Variants in CPNE3 observed in about 807,000 individuals in gnomAD.
The protein encoded by CPNE3 is copine-3.
Under a neutral mutation model 63.9 loss-of-function variants are expected in CPNE3, and 68 were observed. The observed-to-expected ratio is 1.06, with a 90% CI of 0.87 to 1.30. The LOEUF is 1.30. CPNE3 is among the 50% of genes most tolerant of loss of function. The pLI, the probability that CPNE3 is intolerant of heterozygous loss-of-function variation, is 0.00. For synonymous variants in CPNE3, 219 were observed against 197.5 expected (o/e 1.11, Z -0.91); for missense variants, 665 against 578.1 (o/e 1.15, Z -1.54).
Position 86,528,942 on chromosome 8 carries a change from T to A in CPNE3, c.133-3T>A. On this transcript the variant is annotated splice_polypyrimidine_tract_variant and splice_region_variant and intron_variant, in intron 3 of 16. Transcript: ENST00000517490. ...ACTTTTTTGTTTTTGCGGATGGGTG[T>A]AGGTTGAGCGCACAGAAAGGATTAA... 1 of 1,611,354 alleles carries A rather than the reference T, an allele frequency of 6.2e-7. No homozygotes were observed. The highest frequency in any genetic ancestry group is 8.5e-7 in the Non-Finnish European group (1 of 1,179,292).
At chr8:86,551,830 A>C (rs1465705297) in intron 14 of CPNE3, among the ~76,000 whole-genome samples, 1 of 152,108 alleles carries the variant, frequency 6.6e-6, no homozygotes, top group African/African-American at 2.4e-5. Flanking sequence ...TCTTTTATTT[A>C]TTTAAAAAAA....
At chr8:86,535,395 CG>C (rs1820781704) in intron 6 of CPNE3, among the ~76,000 whole-genome samples, 1 of 151,784 alleles carries the variant, frequency 6.6e-6, no homozygotes, top group East Asian at 1.9e-4. Flanking sequence ...AATTACTGGC[CG>C]GCCATGATGG....
chr8:86,555,073 A>G (rs1276322743), intron 15 of CPNE3, 89 bp downstream of exon 15: 1 of 1,568,434 alleles, frequency 6.4e-7, no homozygotes, highest in Admixed American at 1.8e-5. Context: ...TTGTCATAAT[A>G]CAAAGTCAGG....
At chr8:86,524,705 A>ATTTTTT (rs1820503769) in intron 2 of CPNE3, 1 of 53,646 alleles carries the variant, frequency 1.9e-5, no homozygotes, top group African/African-American at 5.0e-5. Flanking sequence ...TTTTTTTGCG[A>ATTTTTT]CAGGGTCTTG....
chr8:86,548,505 G>A (rs776332460), intron 12 of CPNE3, 71 bp downstream of exon 12: 24 of 1,583,532 alleles, frequency 1.5e-5, no homozygotes, highest in Admixed American at 5.1e-5. Context: ...TTGTTTCATC[G>A]GCTAGCACTC....
Position 86,524,133 on chromosome 8 carries a change from A to G in CPNE3, c.-10-4403A>G, listed in dbSNP as rs532191225. On this transcript the variant is annotated intron_variant, in intron 2 of 16. Coordinates refer to ENST00000517490, the MANE Select transcript of CPNE3 (RefSeq NM_003909.5). ...TAGGGTTGTGACTCTGGGTATGGGA[A>G]AGCGGCTGTATCTCCATGTTTGGGA... Among the ~76,000 whole-genome samples, 21 of 152,336 alleles carry G rather than the reference A, an allele frequency of 1.4e-4. 1 individual carries two copies. In the South Asian group the frequency reaches 3.7e-3, roughly 27 times the overall value.
rs1821373734 is a variant in CPNE3, at chr8:86,558,578, C to T, written c.*168C>T. ...TTCTTTCTAGGTTATTTTGGGGGGA[C>T]AGTGCCAAGTCCATCTTTGCCCAGT... On this transcript the variant is annotated 3_prime_UTR_variant, in exon 17 of 17. Coordinates refer to ENST00000517490, the MANE Select transcript of CPNE3 (RefSeq NM_003909.5). 1 of 585,888 alleles carries T rather than the reference C, an allele frequency of 1.7e-6. No homozygotes were observed. The allele number at this position is 585,888 out of a possible 1,614,324, so 36.3% of individuals were successfully genotyped here.
rs758242295 is a variant in CPNE3 at position 86,548,338 on chromosome 8, G to T, written c.917G>T (p.Arg306Met). The T allele has an allele frequency of 2.5e-6, 4 of 1,614,050 alleles. No individual in the cohort carries two copies. In the South Asian group the frequency reaches 3.3e-5, roughly 13 times the overall value. The part of the protein sequence containing the change: ...VDFTGSNGDP[R>M]SPDSLHYISP... ...TTCACTGGCTCCAATGGTGACCCAA[G>T]GTCTCCAGACTCCCTTCATTACATC... Residue 306 changes from arginine to methionine, a missense_variant, in exon 12 of 17, where the codon AGG (arginine) becomes ATG (methionine). Arg to Met is a moderately conservative substitution (Grantham distance 91). Coordinates refer to ENST00000517490, the MANE Select transcript of CPNE3 (RefSeq NM_003909.5).
At chr8:86,532,104 C>G (rs1412944184) in intron 5 of CPNE3, among the ~76,000 whole-genome samples, 2 of 152,134 alleles carry the variant, frequency 1.3e-5, no homozygotes, top group Non-Finnish European at 2.9e-5. Flanking sequence ...TTCAGTTACA[C>G]TGGATGAAAA....
chr8:86,524,681 A>ATTTTTTTTTT (rs33934876), intron 2 of CPNE3: 4 of 106,088 alleles, frequency 3.8e-5, no homozygotes, highest in Admixed American at 1.1e-4. Context: ...CCTCATCATA[A>ATTTTTTTTTT]TTTTTTTTTT....
intron 9 of CPNE3, among the ~76,000 whole-genome samples, chr8:86,545,933 T>C (rs923007155): frequency 2.0e-5 from 3 of 151,808 alleles, no homozygotes; most frequent in African/African-American, 7.3e-5. Context: ...TAGATAGAGA[T>C]CAGAGAAGAC....
chr8:86,536,935 G>A (rs1384267043), intron 6 of CPNE3, among the ~76,000 whole-genome samples: 2 of 152,172 alleles, frequency 1.3e-5, no homozygotes, highest in Non-Finnish European at 2.9e-5. Flanking sequence ...GTTCTGTGGT[G>A]AATTACAGGA....
At chr8:86,548,277 A>AG in intron 11 of CPNE3, 24 bp from the exon 12 acceptor site, 1 of 1,612,590 alleles carries the variant, frequency 6.2e-7, no homozygotes, top group Non-Finnish European at 8.5e-7. Context: ...CTCCTTACTA[A>AG]GGGCTGCAAT....
intron 7 of CPNE3, among the ~76,000 whole-genome samples, chr8:86,538,936 T>C (rs1284363064): frequency 1.3e-5 from 2 of 152,194 alleles, no homozygotes; most frequent in Non-Finnish European, 2.9e-5. Context: ...ATGAATTACA[T>C]GTTCTCTAGC....
intron 2 of CPNE3, 116 bp from the exon 3 acceptor site, chr8:86,528,420 A>C: frequency 6.3e-6 from 7 of 1,118,716 alleles, no homozygotes; most frequent in Non-Finnish European, 9.0e-6. Context: ...TGGCAAGTTC[A>C]CTCTATAAGC....
chr8:86,534,799 G>A (rs1820767695), intron 6 of CPNE3, among the ~76,000 whole-genome samples: 1 of 152,128 alleles, frequency 6.6e-6, no homozygotes, highest in Non-Finnish European at 1.5e-5. Context: ...TATAGGAAAA[G>A]TAAGTTAAAA....
intron 12 of CPNE3, among the ~76,000 whole-genome samples, chr8:86,549,501 T>C (rs1409058696): frequency 1.3e-5 from 2 of 152,088 alleles, no homozygotes; most frequent in African/African-American, 4.8e-5. Flanking sequence ...TAAGTGAATT[T>C]AGGGGAGGGG....
At chr8:86,533,046 ATC>A (rs1820718673) in intron 6 of CPNE3, among the ~76,000 whole-genome samples, 1 of 151,256 alleles carries the variant, frequency 6.6e-6, no homozygotes, top group Non-Finnish European at 1.5e-5. Context: ...CTATCTATCT[ATC>A]TATCTATCTA....
intron 2 of CPNE3, chr8:86,524,660 GTTTTATTTTTCCTCATCATAATTTTT>G (rs1350273755): frequency 7.7e-6 from 1 of 129,204 alleles, no homozygotes; most frequent in Non-Finnish European, 1.7e-5. Flanking sequence ...TAAAACGTTT[GTTTTATTTTTCCTCATCATAATTTTT>G]TTTTTTTTTT....
Sources: allele counts gnomAD v4.1 joint callset (sites outside exome capture counted in the v4.1 genomes callset), GRCh38; gene constraint gnomAD v4.1.1; transcripts MANE v1.5; gene names NCBI Gene and HGNC (gene_info 2026-07-23, HGNC 2026-07-21).